The following SRGAP2 variants were observed in gnomAD, a reference collection of about 807,000 sequenced individuals.
SRGAP2 encodes the protein SLIT-ROBO Rho GTPase activating protein 2, also known as SLIT-ROBO Rho GTPase-activating protein 2.
SRGAP2 carries 15 observed loss-of-function variants against 57.2 expected under a neutral mutation model. That is an observed-to-expected ratio of 0.26 (90% CI 0.18 to 0.40). The LOEUF is 0.40. SRGAP2 is among the 10% of genes least tolerant of loss of function. The pLI, the probability that SRGAP2 is intolerant of heterozygous loss-of-function variation, is 1.00. For missense variants in SRGAP2, 520 were observed against 669.6 expected (o/e 0.78, Z 2.47); for synonymous variants, 249 against 248.0 (o/e 1.00, Z -0.04).
intron 2 of SRGAP2, among the ~76,000 whole-genome samples, chr1:206,253,545 T>G (rs1264422728): frequency 6.7e-6 from 1 of 150,016 alleles, no homozygotes; most frequent in Non-Finnish European, 1.5e-5. Context: ...CTTCACTCTC[T>G]CTCTCTTTCT....
At chr1:206,243,743 T>G (rs1420108659) in intron 2 of SRGAP2, among the ~76,000 whole-genome samples, 1 of 152,130 alleles carries the variant, frequency 6.6e-6, no homozygotes, top group African/African-American at 2.4e-5. Flanking sequence ...TCTACTCGGT[T>G]GATGGAGCAG....
At chr1:206,301,257 G>A (rs1313070034) in intron 2 of SRGAP2, among the ~76,000 whole-genome samples, 2 of 151,954 alleles carry the variant, frequency 1.3e-5, no homozygotes, top group Non-Finnish European at 2.9e-5. Context: ...GGATGGTCTC[G>A]ATCTCCTGAC....
chr1:206,307,127 C>T (rs1273132976), intron 3 of SRGAP2, among the ~76,000 whole-genome samples: 1 of 149,010 alleles, frequency 6.7e-6, no homozygotes, highest in Admixed American at 6.7e-5. Flanking sequence ...CACTTACAAA[C>T]CTTGAGCTAA....
rs71274650 is a variant in SRGAP2, at chr1:206,389,165, CTTTTTTT to C, written c.487-3503_487-3497del. 1.4e-3 allele frequency among the ~76,000 whole-genome samples: 105 copies of C among 73,082 alleles called. 1 individual carries two copies. The highest frequency in any genetic ancestry group is 4.8e-3 in the South Asian group (10 of 2,092). The allele number at this position is 73,082 out of a possible 152,430, so 47.9% of individuals were successfully genotyped here. On this transcript the variant is annotated intron_variant, in intron 5 of 22. Transcript: ENST00000573034. ...TGGGGCCTCACTGTTCTCAGACTTC[CTTTTTTT>C]TTTTTTTTTTTTTTTTTTTTGAGAT...
At chr1:206,444,967 T>A (rs1470543667) in intron 17 of SRGAP2, among the ~76,000 whole-genome samples, 1 of 152,132 alleles carries the variant, frequency 6.6e-6, no homozygotes, top group Non-Finnish European at 1.5e-5. Flanking sequence ...AGAGAACCAC[T>A]GAGTCAGAGG....
chr1:206,245,309 C>T (rs1553309979), intron 2 of SRGAP2, among the ~76,000 whole-genome samples: 1 of 150,958 alleles, frequency 6.6e-6, no homozygotes, highest in Non-Finnish European at 1.5e-5. Context: ...TGAGAATGTG[C>T]CCAGGTTGGT....
chr1:206,436,265 G>T (rs537166097), intron 14 of SRGAP2, among the ~76,000 whole-genome samples: 2 of 151,940 alleles, frequency 1.3e-5, no homozygotes, highest in African/African-American at 4.8e-5. Flanking sequence ...CAATCAAACC[G>T]TGTTAAAACA....
intron 21 of SRGAP2, 120 bp downstream of exon 21, chr1:206,455,144 T>TAAC: frequency 1.3e-6 from 1 of 758,136 alleles, no homozygotes; most frequent in Non-Finnish European, 2.4e-6. Flanking sequence ...TCCCCCAGCC[T>TAAC]AACAGTTTGC....
At chr1:206,342,422 CTTG>C (rs1250430490) in intron 3 of SRGAP2, among the ~76,000 whole-genome samples, 6 of 150,970 alleles carry the variant, frequency 4.0e-5, no homozygotes, top group African/African-American at 7.3e-5. Flanking sequence ...CGCCCTCTTA[CTTG>C]TTGTGTTAGT....
chr1:206,309,755 G>A (rs1385521618), intron 3 of SRGAP2, among the ~76,000 whole-genome samples: 3 of 151,724 alleles, frequency 2.0e-5, no homozygotes, highest in Non-Finnish European at 4.4e-5. Context: ...TACTGCTGAG[G>A]TAAGAGGTTA....
chr1:206,436,462 T>C (rs1475801273), intron 14 of SRGAP2, among the ~76,000 whole-genome samples: 2 of 151,696 alleles, frequency 1.3e-5, no homozygotes, highest in Admixed American at 6.6e-5. Flanking sequence ...GTGAACCTCC[T>C]ACCTGAGCCT....
At chr1:206,442,443 C>T (rs1662389407) in intron 17 of SRGAP2, among the ~76,000 whole-genome samples, 1 of 152,188 alleles carries the variant, frequency 6.6e-6, no homozygotes, top group Non-Finnish European at 1.5e-5. Context: ...TCTGTGCCCC[C>T]AGAGCTGGGA....
intron 10 of SRGAP2, among the ~76,000 whole-genome samples, chr1:206,415,645 C>T (rs1224313289): frequency 6.6e-6 from 1 of 152,170 alleles, no homozygotes; most frequent in Non-Finnish European, 1.5e-5. Context: ...CTCTAGGAAA[C>T]AATTTCTTTA....
chr1:206,318,912 T>C (rs1204110442), intron 3 of SRGAP2, among the ~76,000 whole-genome samples: 2 of 151,456 alleles, frequency 1.3e-5, no homozygotes, highest in Non-Finnish European at 2.9e-5. Context: ...AACATGAGAT[T>C]TGGGGGGGGA....
chr1:206,455,364 A>C, intron 21 of SRGAP2: 1 of 310,904 alleles, frequency 3.2e-6, no homozygotes, highest in Non-Finnish European at 6.1e-6. Context: ...CTGGTTTTGT[A>C]CTGTTTCTCA....
intron 3 of SRGAP2, among the ~76,000 whole-genome samples, chr1:206,341,081 CAGA>C (rs1675151195): frequency 6.6e-6 from 1 of 152,150 alleles, no homozygotes; most frequent in African/African-American, 2.4e-5. Context: ...TTGGGTTAGA[CAGA>C]TATTTGATTT....
At chr1:206,442,699 T>A (rs1553372452) in intron 17 of SRGAP2, among the ~76,000 whole-genome samples, 1 of 152,158 alleles carries the variant, frequency 6.6e-6, no homozygotes, top group Admixed American at 6.5e-5. Flanking sequence ...GTGTTAACAT[T>A]AAAAAAATGC....
chr1:206,306,386 G>A (rs1292611875), intron 3 of SRGAP2, among the ~76,000 whole-genome samples: 4 of 151,974 alleles, frequency 2.6e-5, no homozygotes, highest in Non-Finnish European at 4.4e-5. Context: ...GGAGTTGTTC[G>A]TTCCTCCCGG....
intron 11 of SRGAP2, among the ~76,000 whole-genome samples, chr1:206,419,073 T>G (rs567094067): frequency 1.3e-5 from 2 of 152,330 alleles, no homozygotes; most frequent in African/African-American, 4.8e-5. Flanking sequence ...ATTGTTCCAC[T>G]ACCTCCATCT....
Sources: allele counts gnomAD v4.1 joint callset (sites outside exome capture counted in the v4.1 genomes callset), GRCh38; gene constraint gnomAD v4.1.1; transcripts MANE v1.5; gene names NCBI Gene and HGNC (gene_info 2026-07-23, HGNC 2026-07-21).